The following DIAPH3 variants were observed in gnomAD, a reference collection of about 807,000 sequenced individuals.
DIAPH3 encodes the protein diaphanous related formin 3.
Under a neutral mutation model 144.3 loss-of-function variants are expected in DIAPH3, and 117 were observed. The observed-to-expected ratio is 0.81, with a 90% CI of 0.70 to 0.95. The LOEUF (loss-of-function observed/expected upper bound fraction) is 0.95, where lower values mean the gene tolerates loss of function less well. Ranked by LOEUF, DIAPH3 falls within the 40% of genes least tolerant of loss-of-function variation. DIAPH3 has a pLI of 0.00. For synonymous variants in DIAPH3, 519 were observed against 488.9 expected (o/e 1.06, Z -0.81); for missense variants, 1,421 against 1,412.7 (o/e 1.01, Z -0.09).
intron 27 of DIAPH3, among the ~76,000 whole-genome samples, chr13:59,729,166 C>G (rs913256674): frequency 6.6e-6 from 1 of 152,162 alleles, no homozygotes; most frequent in Non-Finnish European, 1.5e-5. Context: ...ATATAAAAAG[C>G]TTGACTATAG....
In DIAPH3 at chr13:59,975,206, G is replaced by GA. The variant is rs200469266; in HGVS notation, c.1546-751dup. Among the ~76,000 whole-genome samples the GA allele has an allele frequency of 4.2e-3, 617 of 146,272 alleles. 2 individuals are homozygous for GA. The highest frequency in any genetic ancestry group is 0.013 in the African/African-American group (501 of 39,898). On this transcript the variant is annotated intron_variant, in intron 14 of 27. Coordinates refer to ENST00000400324, the MANE Select transcript of DIAPH3 (RefSeq NM_001042517.2). ...AGCATTTGACTTTCTTAAGAAAAATGAAAAAAAAAATCAATCAAAAAAATG... is the reference window on the plus strand; with the variant it reads ...AGCATTTGACTTTCTTAAGAAAAATGAAAAAAAAAAATCAATCAAAAAAATG...
intron 17 of DIAPH3, among the ~76,000 whole-genome samples, chr13:59,950,984 T>A (rs920907284): frequency 6.6e-6 from 1 of 152,138 alleles, no homozygotes; most frequent in Non-Finnish European, 1.5e-5. Context: ...TTCTAAATTT[T>A]CTGTAACATA....
rs932649097 is a variant in DIAPH3, at chr13:59,958,867, CTTTTTTTTTTT to C, written c.2074+11066_2074+11076del. 8.5e-5 allele frequency among the ~76,000 whole-genome samples: 8 copies of C among 94,350 alleles called. No individual in the cohort carries two copies. The East Asian group carries it at 2.8e-3, about 33-fold the overall frequency. The allele number at this position is 94,350 out of a possible 152,430, so 61.9% of individuals were successfully genotyped here. A position where few individuals can be genotyped will look rare whatever the true frequency, so the allele number is the denominator to read the frequency against. ...TGATATAGATCTAAACTTCAATAAA[CTTTTTTTTTTT>C]TTTTTTTTTTTTTTGAGATAGAGTC... On this transcript the variant is annotated intron_variant, in intron 17 of 27. Coordinates refer to ENST00000400324, the MANE Select transcript of DIAPH3 (RefSeq NM_001042517.2).
chr13:60,109,625 A>T (rs983316756), intron 3 of DIAPH3, among the ~76,000 whole-genome samples: 1 of 152,198 alleles, frequency 6.6e-6, no homozygotes, highest in African/African-American at 2.4e-5. Flanking sequence ...GGTTTGTATT[A>T]TCTGAAACCA....
intron 17 of DIAPH3, among the ~76,000 whole-genome samples, chr13:59,941,545 C>A (rs952170893): frequency 6.6e-6 from 1 of 152,130 alleles, no homozygotes; most frequent in Non-Finnish European, 1.5e-5. Context: ...AGGAAGACCG[C>A]CTCACAGAAG....
chr13:59,950,802 A>C (rs1297851449), intron 17 of DIAPH3, among the ~76,000 whole-genome samples: 1 of 152,150 alleles, frequency 6.6e-6, no homozygotes, highest in Non-Finnish European at 1.5e-5. Flanking sequence ...AGGCTATTTA[A>C]TAGCATGAGA....
At chr13:59,705,092 A>G (rs1238552564) in intron 27 of DIAPH3, among the ~76,000 whole-genome samples, 1 of 152,162 alleles carries the variant, frequency 6.6e-6, no homozygotes, top group African/African-American at 2.4e-5. Context: ...TTTTTTTACC[A>G]TAATTTACTA....
rs756419389 is a variant in DIAPH3, at chr13:59,992,566, G to A, written c.1032C>T (p.Leu344=). The A allele has an allele frequency of 1.9e-6, 3 of 1,611,916 alleles. No individual in the cohort carries two copies. In the Admixed American group the frequency reaches 5.0e-5, roughly 27 times the overall value. ...CAGGAGATGTAACCAGGGCATTGATGAGCTGCATACAAGCTACCTACAAGA... is the reference window on the plus strand; with the variant it reads ...CAGGAGATGTAACCAGGGCATTGATAAGCTGCATACAAGCTACCTACAAGA... ...SVQLQVACMQ[L]INALVTSPDD... is the part of the protein sequence containing the mutation. Residue 344 remains leucine, a synonymous_variant, in exon 10 of 28, where the codon CTC becomes CTT. Transcript: ENST00000400324.
intron 12 of DIAPH3, among the ~76,000 whole-genome samples, chr13:59,987,021 C>T (rs1280849820): frequency 6.6e-6 from 1 of 152,022 alleles, no homozygotes; most frequent in Non-Finnish European, 1.5e-5. Context: ...AAGACACATG[C>T]ACGTGTATGT....
chr13:59,926,749 A>T (rs894428499), intron 17 of DIAPH3, among the ~76,000 whole-genome samples: 2 of 152,194 alleles, frequency 1.3e-5, no homozygotes, highest in Admixed American at 1.3e-4. Context: ...CTGGCCTAAC[A>T]TATGGTCTAT....
At chr13:59,844,374 AGC>A (rs1180317598) in intron 22 of DIAPH3, among the ~76,000 whole-genome samples, 1 of 151,762 alleles carries the variant, frequency 6.6e-6, no homozygotes, top group African/African-American at 2.4e-5. Flanking sequence ...CGTGGTGGCG[AGC>A]GCCTGTAGTC....
In DIAPH3 at chr13:59,772,116, G is replaced by C. The variant is rs149630404; in HGVS notation, c.3319+2073C>G. 5.1e-3 allele frequency among the ~76,000 whole-genome samples: 771 copies of C among 152,054 alleles called. 3 individuals are homozygous for C. Among genetic ancestry groups the C allele is most frequent in the South Asian group, 0.032 (153 of 4,810 alleles). ...ATCACATAGTTCAGTCGTAGGGTTA[G>C]TATTTTCAATGAAAAAAAGTAGTTT... On this transcript the variant is annotated intron_variant, in intron 27 of 27. Transcript: ENST00000400324.
At chr13:59,988,756 T>C (rs2051602558) in intron 12 of DIAPH3, among the ~76,000 whole-genome samples, 1 of 151,888 alleles carries the variant, frequency 6.6e-6, no homozygotes, top group South Asian at 2.1e-4. Context: ...GTGGTATTGT[T>C]AACAAATATC....
rs2059180637 is a variant in DIAPH3 at position 60,132,959 on chromosome 13, T to C, written c.211A>G (p.Met71Val). ...HLNIRTLTDD[M>V]LDKFASIRIP... ...GGAAAAGTTGAGGATAATCTTACCA[T>C]ATCATCCGTCAGTGTCCTAATATTT... is the stretch of plus-strand genomic sequence containing the variant. The change falls in exon 2 of 28, where the codon ATG becomes GTG. Residue 71 changes from methionine to valine, a missense_variant and splice_region_variant. Met to Val is a conservative substitution (Grantham distance 21, BLOSUM62 1). Coordinates refer to ENST00000400324, the MANE Select transcript of DIAPH3 (RefSeq NM_001042517.2). The C allele has an allele frequency of 1.2e-6, 2 of 1,607,218 alleles. No individual in the cohort carries two copies. The highest frequency in any genetic ancestry group is 1.7e-6 in the Non-Finnish European group (2 of 1,174,532).
intron 22 of DIAPH3, among the ~76,000 whole-genome samples, chr13:59,846,647 A>G (rs2042650054): frequency 6.6e-6 from 1 of 152,220 alleles, no homozygotes; most frequent in Non-Finnish European, 1.5e-5. Flanking sequence ...GTAGGTCTAC[A>G]ACAAAACCTA....
At chr13:59,888,606 C>T (rs188272667) in intron 20 of DIAPH3, among the ~76,000 whole-genome samples, 54 of 152,038 alleles carry the variant, frequency 3.6e-4, no homozygotes, top group African/African-American at 1.0e-3. Context: ...AACCCTGTTA[C>T]GCAATGTTTT....
At chr13:60,145,436 A>T (rs1566822588) in intron 1 of DIAPH3, among the ~76,000 whole-genome samples, 1 of 152,194 alleles carries the variant, frequency 6.6e-6, no homozygotes, top group Non-Finnish European at 1.5e-5. Flanking sequence ...TCACAAGGTC[A>T]GGAGATCGAG....
In DIAPH3 at chr13:59,716,261, C is replaced by T. The variant is rs112312166; in HGVS notation, c.3320-49415G>A. On this transcript the variant is annotated intron_variant, in intron 27 of 27. Transcript: ENST00000400324. ...GGCAATCTCGGCTCACTGCAAGCTC[C>T]GCCTCCCGGGTTCACGCCATTCTCC... 7.9e-5 allele frequency among the ~76,000 whole-genome samples: 12 copies of T among 152,236 alleles called. No individual in the cohort carries two copies. The East Asian group carries it at 9.7e-4, about 12-fold the overall frequency.
At chr13:59,968,688 G>A (rs1326321492) in intron 17 of DIAPH3, among the ~76,000 whole-genome samples, 2 of 152,142 alleles carry the variant, frequency 1.3e-5, no homozygotes, top group Admixed American at 6.5e-5. Flanking sequence ...ACCTTTTGGA[G>A]AGAGTTTCTA....
Sources: allele counts gnomAD v4.1 joint callset (sites outside exome capture counted in the v4.1 genomes callset), GRCh38; gene constraint gnomAD v4.1.1; transcripts MANE v1.5; gene names NCBI Gene and HGNC (gene_info 2026-07-23, HGNC 2026-07-21).